Variants in NME2 observed in about 807,000 individuals in gnomAD.
NME2 encodes the protein NME/NM23 nucleoside diphosphate kinase 2.
NME2 carries 18 observed loss-of-function variants against 17.8 expected under a neutral mutation model. That is an observed-to-expected ratio of 1.01 (90% confidence interval 0.70 to 1.50). NME2 has a LOEUF of 1.50. Among genes scored for constraint, NME2 ranks in the 40% most tolerant of loss-of-function variants. NME2 has a pLI of 0.00. For synonymous variants in NME2, 74 were observed against 71.4 expected (o/e 1.04, Z -0.19); for missense variants, 161 against 195.6 (o/e 0.82, Z 1.05).
Position 51,171,580 on chromosome 17 carries a change from TG to T in NME2, c.436del (p.Ala146LeufsTer43), listed in dbSNP as rs1489256937. ...PEELVDYKSCAHDWVYE is the reference protein window; with the variant it reads ...PEELVDYKSCXHDWVYE ...AAGAACTGGTTGACTACAAGTCTTG[TG>T]CTCATGACTGGGTCTATGAATAAGA... On this transcript the variant is annotated frameshift_variant, in exon 5 of 5. Transcript: ENST00000512737. LOFTEE classifies it high-confidence loss of function. The T allele has an allele frequency of 1.2e-6, 2 of 1,613,556 alleles. No homozygotes were observed. The highest frequency in any genetic ancestry group is 2.7e-5 in the African/African-American group (2 of 74,930).
intron 2 of NME2, chr17:51,167,387 T>G: frequency 4.8e-6 from 1 of 208,090 alleles, no homozygotes; most frequent in Non-Finnish European, 9.8e-6. Flanking sequence ...GGGTAGTGAG[T>G]GTATTTTCCA....
chr17:51,167,143 C>T (rs1057385590), intron 2 of NME2, 187 bp downstream of exon 2: 12 of 1,300,144 alleles, frequency 9.2e-6, no homozygotes, highest in Middle Eastern at 2.8e-4. Context: ...GACAGACGCC[C>T]TTGGGAAGGT....
At chr17:51,166,589 C>T (rs1315650144) in intron 1 of NME2, 92 bp downstream of exon 1, 6 of 289,956 alleles carry the variant, frequency 2.1e-5, no homozygotes, top group Non-Finnish European at 3.1e-5. Flanking sequence ...GGGCGCCCCC[C>T]GATTTCCCGC....
chr17:51,171,699 A>ATTCTTTTT lies in NME2; in HGVS notation c.*102_*103insTTTCTTTT. 2 of 917,808 alleles carry ATTCTTTTT rather than the reference A, an allele frequency of 2.2e-6. No individual in the cohort carries two copies. The highest frequency in any genetic ancestry group is 3.4e-6 in the Non-Finnish European group (2 of 584,138). 56.9% of individuals were successfully genotyped at this position (917,808 alleles called of 1,614,324 possible). ...TGACTTAGAGGCAACAGGATTGATC[A>ATTCTTTTT]TTCTTTTATAGAGCATATTTGCCAA... On this transcript the variant is annotated 3_prime_UTR_variant, in exon 5 of 5. Transcript: ENST00000512737.
At chr17:51,167,781 T>C (rs1319932328) in intron 2 of NME2, among the ~76,000 whole-genome samples, 1 of 152,070 alleles carries the variant, frequency 6.6e-6, no homozygotes, top group East Asian at 1.9e-4. Context: ...GAGTTGGAGA[T>C]CAGCCTGAGC....
intron 2 of NME2, 114 bp from the exon 3 acceptor site, chr17:51,168,128 C>T (rs2049986390): frequency 1.2e-6 from 1 of 824,096 alleles, no homozygotes; most frequent in African/African-American, 1.7e-5. Context: ...TTTCCACACA[C>T]CACTTAGGAA....
At chr17:51,169,812 G>C in intron 3 of NME2, 125 bp from the exon 4 acceptor site, 1 of 814,892 alleles carries the variant, frequency 1.2e-6, no homozygotes, top group Non-Finnish European at 2.0e-6. Context: ...CTCTCTGCTG[G>C]GGTTAGCTGA....
At chr17:51,167,512 T>G (rs1303509890) in intron 2 of NME2, among the ~76,000 whole-genome samples, 3 of 152,156 alleles carry the variant, frequency 2.0e-5, no homozygotes, top group African/African-American at 7.2e-5. Flanking sequence ...TCTGAAATAT[T>G]TAAAAGGGCA....
intron 4 of NME2, 30 bp from the exon 5 acceptor site, chr17:51,171,456 CA>C: frequency 6.2e-7 from 1 of 1,601,166 alleles, no homozygotes; most frequent in Non-Finnish European, 8.6e-7. Context: ...CACTTTAAAA[CA>C]TGGCAACTTG....
chr17:51,170,816 A>T (rs1214980696), intron 4 of NME2, among the ~76,000 whole-genome samples: 1 of 151,678 alleles, frequency 6.6e-6, no homozygotes, highest in Admixed American at 6.6e-5. Flanking sequence ...GCTTTCACAC[A>T]TAGCTTCTTC....
chr17:51,170,619 C>T (rs1190925584), intron 4 of NME2, among the ~76,000 whole-genome samples: 1 of 151,446 alleles, frequency 6.6e-6, no homozygotes, highest in African/African-American at 2.4e-5. Flanking sequence ...ACATGAACCC[C>T]GTCTCTACTA....
In NME2 at chr17:51,171,690, G is replaced by GGATT. The variant is rs1402419998; in HGVS notation, c.*90_*93dup. 1.0e-6 allele frequency: 1 copy of GGATT among 992,712 alleles called. No individual in the cohort carries two copies. Among genetic ancestry groups the GGATT allele is most frequent in the Non-Finnish European group, 1.6e-6 (1 of 643,882 alleles). 61.5% of individuals were successfully genotyped at this position (992,712 alleles called of 1,614,324 possible). ...TCATTCCATTGACTTAGAGGCAACA[G>GGATT]GATTGATCATTCTTTTATAGAGCAT... On this transcript the variant is annotated 3_prime_UTR_variant, in exon 5 of 5. Coordinates refer to ENST00000512737, the MANE Select transcript of NME2 (RefSeq NM_002512.4).
At position 51,171,501 on chromosome 17, in the gene NME2, G is replaced by A. The variant is rs2050068273; in HGVS notation, c.356G>A (p.Gly119Asp). 6.2e-7 allele frequency: 1 copy of A among 1,613,358 alleles called. No homozygotes were observed. Among genetic ancestry groups the A allele is most frequent in the African/African-American group, 1.3e-5 (1 of 74,888 alleles). The change falls in exon 5 of 5, where the codon GGC becomes GAC. Residue 119 changes from glycine (G) to aspartate (D), a missense_variant. Physicochemically the swap from Gly to Asp is moderately conservative, Grantham distance 94. Transcript: ENST00000512737. ...TTCTTTCTTAGGAACATCATTCATGGCAGTGATTCAGTAAAAAGTGCTGAA... is the reference window on the plus strand; with the variant it reads ...TTCTTTCTTAGGAACATCATTCATGACAGTGATTCAGTAAAAAGTGCTGAA... Reference protein sequence around the residue: ...CIQVGRNIIHGSDSVKSAEKE... With the variant: ...CIQVGRNIIHDSDSVKSAEKE...
rs1303185130 is a variant in NME2 at position 51,169,937 on chromosome 17, G to A, written c.229G>A (p.Val77Ile). Reference protein sequence around the residue: ...YMNSGPVVAMVWEGLNVVKTG... With the variant: ...YMNSGPVVAMIWEGLNVVKTG... Reference sequence around the variant, plus strand: ...ATAAATCCATTTTCACACTTTCGAGGTCTGGGAGGGGCTGAACGTGGTGAA... The same window carrying A: ...ATAAATCCATTTTCACACTTTCGAGATCTGGGAGGGGCTGAACGTGGTGAA... Residue 77 changes from valine to isoleucine, a missense_variant and splice_region_variant, in exon 4 of 5, where the codon GTC becomes ATC. Physicochemically the swap from Val to Ile is conservative, Grantham distance 29. Coordinates refer to ENST00000512737, the MANE Select transcript of NME2 (RefSeq NM_002512.4). 6.2e-7 allele frequency: 1 copy of A among 1,613,570 alleles called. No homozygotes were observed. The highest frequency in any genetic ancestry group is 8.5e-7 in the Non-Finnish European group (1 of 1,179,822).
At position 51,171,506 on chromosome 17, in the gene NME2, G is replaced by C; in HGVS notation, c.361G>C (p.Asp121His). 6.2e-7 allele frequency: 1 copy of C among 1,613,602 alleles called. No homozygotes were observed. The highest frequency in any genetic ancestry group is 1.1e-5 in the South Asian group (1 of 91,000). ...QVGRNIIHGSDSVKSAEKEIS... is the reference protein window; with the variant it reads ...QVGRNIIHGSHSVKSAEKEIS... The stretch of plus-strand genomic sequence containing the variant: ...TCTTAGGAACATCATTCATGGCAGT[G>C]ATTCAGTAAAAAGTGCTGAAAAAGA... Residue 121 changes from aspartate (D) to histidine (H), a missense_variant, in exon 5 of 5, where the codon GAT (aspartate) becomes CAT (histidine). Transcript: ENST00000512737.
At chr17:51,167,161 T>A in intron 2 of NME2, 1 of 1,164,544 alleles carries the variant, frequency 8.6e-7, no homozygotes, top group Non-Finnish European at 1.1e-6. Context: ...GGTGAAGCGC[T>A]GGTAGCGTGA....
intron 3 of NME2, among the ~76,000 whole-genome samples, chr17:51,168,544 G>C (rs982391111): frequency 6.6e-6 from 1 of 152,138 alleles, no homozygotes; most frequent in Admixed American, 6.6e-5. Context: ...GGTGGTGCAC[G>C]GCTGTAATCT....
chr17:51,167,997 C>G, intron 2 of NME2: 1 of 245,554 alleles, frequency 4.1e-6, no homozygotes, highest in Non-Finnish European at 7.9e-6. Context: ...TCTCCTAAAA[C>G]AAACCAAAAC....
At chr17:51,167,549 A>G (rs2049973853) in intron 2 of NME2, among the ~76,000 whole-genome samples, 1 of 152,190 alleles carries the variant, frequency 6.6e-6, no homozygotes, top group African/African-American at 2.4e-5. Flanking sequence ...GGAGTTTAAC[A>G]TGACCTCTGC....
Sources: allele counts gnomAD v4.1 joint callset (sites outside exome capture counted in the v4.1 genomes callset), GRCh38; gene constraint gnomAD v4.1.1; transcripts MANE v1.5; gene names NCBI Gene and HGNC (gene_info 2026-07-23, HGNC 2026-07-21).